Variants in PTPRG observed in about 807,000 individuals in gnomAD.
The protein encoded by PTPRG is protein tyrosine phosphatase receptor type G.
In PTPRG, 102 loss-of-function variants were observed where a neutral mutation model predicts 165.3. The observed-to-expected ratio is 0.62, with a 90% CI of 0.53 to 0.73. The LOEUF (loss-of-function observed/expected upper bound fraction) is 0.73, where lower values mean the gene tolerates loss of function less well. PTPRG is among the 30% of genes least tolerant of loss of function. The pLI, the probability that PTPRG is intolerant of heterozygous loss-of-function variation, is 0.00. For synonymous variants in PTPRG, 675 were observed against 669.5 expected, an observed-to-expected ratio of 1.01 and a Z score of -0.13; for missense variants, 1,866 against 1,861.4, an observed-to-expected ratio of 1.00 and a Z score of -0.05.
At position 62,037,109 on chromosome 3, in the gene PTPRG, T is replaced by C. The variant is rs113483247; in HGVS notation, c.519+33612T>C. Reference sequence around the variant, plus strand: ...CCCAATGGCTTTATCAGAGAAGTACTCATTTTATCCCTAGTTTACAGATTT... The same window carrying C: ...CCCAATGGCTTTATCAGAGAAGTACCCATTTTATCCCTAGTTTACAGATTT... On this transcript the variant is annotated intron_variant, in intron 4 of 29. Coordinates refer to ENST00000474889, the MANE Select transcript of PTPRG (RefSeq NM_002841.4). 6.5e-3 allele frequency among the ~76,000 whole-genome samples: 988 copies of C among 152,288 alleles called. 12 individuals carry two copies. Among genetic ancestry groups the C allele is most frequent in the African/African-American group, 0.022 (932 of 41,548 alleles).
rs75167313 is a variant in PTPRG at position 62,287,822 on chromosome 3, G to C, written c.4056-4599G>C. Among the ~76,000 whole-genome samples, 789 of 152,192 alleles carry C rather than the reference G, an allele frequency of 5.2e-3. 5 individuals carry two copies. Among genetic ancestry groups the C allele is most frequent in the African/African-American group, 0.018 (737 of 41,526 alleles). On this transcript the variant is annotated intron_variant, in intron 28 of 29. Coordinates refer to ENST00000474889, the MANE Select transcript of PTPRG (RefSeq NM_002841.4). ...AAGAGAGACTGCACAGAGAGACCTAGAGTCTCTTCAAACACAAATGGTTTA... is the reference window on the plus strand; with the variant it reads ...AAGAGAGACTGCACAGAGAGACCTACAGTCTCTTCAAACACAAATGGTTTA...
At chr3:62,091,441 G>A (rs897036097) in intron 5 of PTPRG, among the ~76,000 whole-genome samples, 9 of 152,194 alleles carry the variant, frequency 5.9e-5, no homozygotes, top group Non-Finnish European at 7.3e-5. Context: ...CAGCCAAGTC[G>A]GCTGAGAGAG....
At chr3:62,109,644 A>G (rs572079820) in intron 5 of PTPRG, among the ~76,000 whole-genome samples, 15 of 152,226 alleles carry the variant, frequency 9.9e-5, no homozygotes, top group Non-Finnish European at 1.9e-4. Flanking sequence ...TGCAGAGGGA[A>G]GTCAGAGGTG....
At chr3:61,676,516 A>T (rs1011863033) in intron 1 of PTPRG, among the ~76,000 whole-genome samples, 1 of 150,104 alleles carries the variant, frequency 6.7e-6, no homozygotes, top group Non-Finnish European at 1.5e-5. Flanking sequence ...TTTTCTGAAT[A>T]CTTCACTGTA....
rs759353043 is a variant in PTPRG at position 62,203,352 on chromosome 3, G to A, written c.1557G>A (p.Leu519=). Reference sequence around the variant, plus strand: ...TCACCAGCACGCTGCTCGCCGGCCTGGGGTTCGGCGGTGGTGGCATCTCCT... The same window carrying A: ...TCACCAGCACGCTGCTCGCCGGCCTAGGGTTCGGCGGTGGTGGCATCTCCT... ...SVVTSTLLAG[L]GFGGGGISSF... Residue 519 remains leucine (L), a synonymous_variant, in exon 12 of 30, where the codon CTG becomes CTA. Coordinates refer to ENST00000474889, the MANE Select transcript of PTPRG (RefSeq NM_002841.4). The surrounding 1 kb of genome is among the most constrained non-coding windows in gnomAD (Gnocchi z 6.4). The A allele has an allele frequency of 6.8e-6, 11 of 1,613,176 alleles. No homozygotes were observed. Among genetic ancestry groups the A allele is most frequent in the Non-Finnish European group, 9.3e-6 (11 of 1,179,660 alleles).
At chr3:62,218,499 TTCAGCACATGTCC>T (rs970712051) in intron 12 of PTPRG, among the ~76,000 whole-genome samples, 4 of 152,180 alleles carry the variant, frequency 2.6e-5, no homozygotes, top group Admixed American at 1.3e-4. Flanking sequence ...TCTTTGAGAC[TTCAGCACATGTCC>T]TCAGCACATT....
At chr3:61,742,827 T>C in intron 1 of PTPRG, 1 of 1,601,350 alleles carries the variant, frequency 6.2e-7, no homozygotes, top group Non-Finnish European at 8.6e-7. Flanking sequence ...TTTTATTCTT[T>C]TTGAGTTTTT....
chr3:62,050,150 TC>T (rs1293957736), intron 4 of PTPRG, among the ~76,000 whole-genome samples: 4 of 152,214 alleles, frequency 2.6e-5, no homozygotes, highest in African/African-American at 9.6e-5. Flanking sequence ...ATAAAGAGAC[TC>T]TTGACTGGTG....
At chr3:61,954,339 G>C (rs2039986155) in intron 2 of PTPRG, among the ~76,000 whole-genome samples, 1 of 152,134 alleles carries the variant, frequency 6.6e-6, no homozygotes, top group Non-Finnish European at 1.5e-5. Context: ...GAAATGTATT[G>C]GTGGTAAATT....
intron 6 of PTPRG, among the ~76,000 whole-genome samples, chr3:62,146,238 CA>C (rs1471147270): frequency 6.6e-6 from 1 of 152,192 alleles, no homozygotes; most frequent in African/African-American, 2.4e-5. Context: ...ATTTAAACAT[CA>C]ACCCTTAAAT....
At position 62,122,235 on chromosome 3, in the gene PTPRG, G is replaced by A. The variant is rs72891423; in HGVS notation, c.616-10367G>A. ...AAAAACAGTTTTCACTAGTTTGTCT[G>A]TGAATGAAGTACAATGTTTAGGTGA... On this transcript the variant is annotated intron_variant, in intron 5 of 29. Transcript: ENST00000474889. 9.3e-3 allele frequency among the ~76,000 whole-genome samples: 1,419 copies of A among 152,276 alleles called. 25 individuals carry two copies. The highest frequency in any genetic ancestry group is 0.031 in the African/African-American group (1,281 of 41,532).
At chr3:62,032,596 A>G (rs1699804810) in intron 4 of PTPRG, among the ~76,000 whole-genome samples, 1 of 152,108 alleles carries the variant, frequency 6.6e-6, no homozygotes, top group African/African-American at 2.4e-5. Flanking sequence ...GATTTAGTGA[A>G]GACGTTTTCC....
intron 1 of PTPRG, among the ~76,000 whole-genome samples, chr3:61,684,235 G>A (rs1383168007): frequency 6.6e-6 from 1 of 152,138 alleles, no homozygotes; most frequent in African/African-American, 2.4e-5. Context: ...TATGCTGGTG[G>A]TGATGGTGGG....
intron 16 of PTPRG, among the ~76,000 whole-genome samples, chr3:62,261,430 G>A (rs1443288161): frequency 1.3e-5 from 2 of 152,142 alleles, no homozygotes; most frequent in African/African-American, 4.8e-5. Flanking sequence ...TTAGAGAAGA[G>A]CCAAAGGGCA....
chr3:62,296,844 A>G lies in PTPRG; in HGVS notation c.*3537A>G, dbSNP rs1315590371. On this transcript the variant is annotated 3_prime_UTR_variant, in exon 30 of 30. Coordinates refer to ENST00000474889, the MANE Select transcript of PTPRG (RefSeq NM_002841.4). ...AAACTGTTTTTAGTATTTTTGTTAA[A>G]TATTTGCAAAGGGAAGCATTTTCTA... 1 of 152,088 alleles carries G rather than the reference A, an allele frequency of 6.6e-6. No individual in the cohort carries two copies. The highest frequency in any genetic ancestry group is 1.5e-5 in the Non-Finnish European group (1 of 67,972). 9.4% of individuals were successfully genotyped at this position (152,088 alleles called of 1,614,324 possible).
At chr3:61,833,874 T>C (rs2107303594) in intron 2 of PTPRG, among the ~76,000 whole-genome samples, 1 of 152,280 alleles carries the variant, frequency 6.6e-6, no homozygotes, top group African/African-American at 2.4e-5. Context: ...CGTGTTGAAG[T>C]GTTTTCTATG....
intron 1 of PTPRG, among the ~76,000 whole-genome samples, chr3:61,747,380 G>A (rs1302081568): frequency 6.6e-6 from 1 of 152,164 alleles, no homozygotes; most frequent in Non-Finnish European, 1.5e-5. Context: ...AGAATGGTTT[G>A]GATGGAAGGC....
At chr3:62,288,617 G>A (rs867735368) in intron 28 of PTPRG, among the ~76,000 whole-genome samples, 2 of 148,604 alleles carry the variant, frequency 1.3e-5, no homozygotes, top group Non-Finnish European at 1.5e-5. Flanking sequence ...AGGTTGCAGT[G>A]AACCAAGATT....
At chr3:61,815,995 G>T (rs969598575) in intron 2 of PTPRG, among the ~76,000 whole-genome samples, 1 of 152,174 alleles carries the variant, frequency 6.6e-6, no homozygotes, top group African/African-American at 2.4e-5. Flanking sequence ...TACAAGTGAA[G>T]ATCTCTTGAT....
Sources: allele counts gnomAD v4.1 joint callset (sites outside exome capture counted in the v4.1 genomes callset), GRCh38; gene constraint gnomAD v4.1.1; non-coding constraint Gnocchi (gnomAD v3.1); transcripts MANE v1.5; gene names NCBI Gene and HGNC (gene_info 2026-07-23, HGNC 2026-07-21).